Variants in LEPR observed in about 807,000 individuals in gnomAD.
The protein encoded by LEPR is leptin receptor.
In LEPR, 56 loss-of-function variants were observed where a neutral mutation model predicts 114.7. That is an observed-to-expected ratio of 0.49 (90% CI 0.39 to 0.61). The LOEUF (loss-of-function observed/expected upper bound fraction) is 0.61, where lower values mean the gene tolerates loss of function less well. Ranked by LOEUF, LEPR falls within the 20% of genes least tolerant of loss-of-function variation. LEPR has a pLI of 0.00. For missense variants in LEPR, 1,202 were observed against 1,352.9 expected (o/e 0.89, Z 1.75); for synonymous variants, 443 against 461.4 (o/e 0.96, Z 0.51).
At chr1:65,514,143 T>C (rs902024309) in intron 2 of LEPR, among the ~76,000 whole-genome samples, 1 of 152,270 alleles carries the variant, frequency 6.6e-6, no homozygotes, top group Non-Finnish European at 1.5e-5. Flanking sequence ...GACTTGCCTT[T>C]CAACTCTGAA....
At chr1:65,424,826 A>G (rs1646327043) in intron 1 of LEPR, among the ~76,000 whole-genome samples, 2 of 152,136 alleles carry the variant, frequency 1.3e-5, no homozygotes, top group African/African-American at 2.4e-5. Context: ...CACTCATCCC[A>G]TCGTGGAGAC....
At position 65,592,874 on chromosome 1, in the gene LEPR, T is replaced by G. The variant is rs752178506; in HGVS notation, c.703+9T>G. ...TCAGCCCATAAATATGGGTAAGTTA[T>G]GCACTAAAATGATGATAATAGGTCT... On this transcript the variant is annotated intron_variant, in intron 6 of 19. Coordinates refer to ENST00000349533, the MANE Select transcript of LEPR (RefSeq NM_002303.6). 2 of 1,612,536 alleles carry G rather than the reference T, an allele frequency of 1.2e-6. No homozygotes were observed. Among genetic ancestry groups the G allele is most frequent in the South Asian group, 2.2e-5 (2 of 91,020 alleles).
At chr1:65,523,610 G>A (rs913416828) in intron 2 of LEPR, among the ~76,000 whole-genome samples, 2 of 152,000 alleles carry the variant, frequency 1.3e-5, no homozygotes, top group Non-Finnish European at 2.9e-5. Flanking sequence ...CATGCCCGGC[G>A]ATACTTATTT....
intron 15 of LEPR, among the ~76,000 whole-genome samples, chr1:65,616,750 C>G (rs1657550739): frequency 6.6e-6 from 1 of 152,024 alleles, no homozygotes. Flanking sequence ...TTTGATATAT[C>G]TGATTAATCG....
At chr1:65,624,949 A>G (rs1330529807) in intron 19 of LEPR, among the ~76,000 whole-genome samples, 1 of 152,196 alleles carries the variant, frequency 6.6e-6, no homozygotes, top group Non-Finnish European at 1.5e-5. Flanking sequence ...GCCTGAGTCT[A>G]ATCAGCCACA....
chr1:65,448,566 G>A (rs1646741203), intron 2 of LEPR, among the ~76,000 whole-genome samples: 1 of 152,234 alleles, frequency 6.6e-6, no homozygotes, highest in African/African-American at 2.4e-5. Context: ...CTCTGCTTCT[G>A]TCTTCTAAAA....
intron 2 of LEPR, among the ~76,000 whole-genome samples, chr1:65,457,260 G>A (rs553070716): frequency 7.0e-4 from 106 of 152,244 alleles, no homozygotes; most frequent in African/African-American, 2.5e-3. Flanking sequence ...TCTTAGATCA[G>A]TTAAGAATAA....
intron 2 of LEPR, among the ~76,000 whole-genome samples, chr1:65,437,675 A>T (rs1646583051): frequency 6.6e-6 from 1 of 152,048 alleles, no homozygotes; most frequent in East Asian, 1.9e-4. Context: ...GTGTAAGTAG[A>T]AAAAAACTAG....
At chr1:65,563,347 G>T in intron 2 of LEPR, among the ~76,000 whole-genome samples, 1 of 77,500 alleles carries the variant, frequency 1.3e-5, no homozygotes. Flanking sequence ...TGATCGCATC[G>T]GCTCCTGAGG....
At chr1:65,430,243 C>T (rs943041045) in intron 2 of LEPR, 5 of 421,324 alleles carry the variant, frequency 1.2e-5, no homozygotes, top group South Asian at 8.8e-5. Context: ...CTTTATTTCT[C>T]TTACAACTTT....
At chr1:65,587,617 A>G (rs1275711027) in intron 5 of LEPR, among the ~76,000 whole-genome samples, 3 of 152,074 alleles carry the variant, frequency 2.0e-5, no homozygotes, top group Non-Finnish European at 2.9e-5. Flanking sequence ...ATAAGCAAAC[A>G]GAAGTACTTG....
chr1:65,484,533 G>A (rs959135106), intron 2 of LEPR, among the ~76,000 whole-genome samples: 5 of 152,100 alleles, frequency 3.3e-5, no homozygotes, highest in Admixed American at 1.3e-4. Context: ...CAAAGAGAGC[G>A]TCATCAGTTG....
chr1:65,592,742 T>C lies in LEPR; in HGVS notation c.580T>C (p.Cys194Arg). 6.2e-7 allele frequency: 1 copy of C among 1,613,468 alleles called. No individual in the cohort carries two copies. Among genetic ancestry groups the C allele is most frequent in the South Asian group, 1.1e-5 (1 of 91,068 alleles). The change falls in exon 6 of 20, where the codon TGT becomes CGT. Residue 194 changes from cysteine (C) to arginine (R), a missense_variant. Coordinates refer to ENST00000349533, the MANE Select transcript of LEPR (RefSeq NM_002303.6). ...CTGCAATTGCAGTGTTCATGAATGTTGTGAATGTCTTGTGCCTGTGCCAAC... is the reference window on the plus strand; with the variant it reads ...CTGCAATTGCAGTGTTCATGAATGTCGTGAATGTCTTGTGCCTGTGCCAAC... ...VHCNCSVHEC[C>R]ECLVPVPTAK... is the part of the protein sequence containing the mutation.
intron 2 of LEPR, among the ~76,000 whole-genome samples, chr1:65,467,989 G>A (rs148455053): frequency 0.022 from 3,338 of 152,290 alleles, 140 homozygotes; most frequent in African/African-American, 0.076. Flanking sequence ...GACCCCTTGC[G>A]CTTCCCGGGT....
At chr1:65,453,877 TG>T (rs530619441) in intron 2 of LEPR, among the ~76,000 whole-genome samples, 182 of 151,666 alleles carry the variant, frequency 1.2e-3, no homozygotes, top group African/African-American at 4.3e-3. Context: ...ATGTTGACAG[TG>T]GGGTGTTAAA....
chr1:65,585,072 A>T lies in LEPR; in HGVS notation c.495-7585A>T, dbSNP rs1655227394. Among the ~76,000 whole-genome samples the T allele has an allele frequency of 2.6e-5, 4 of 152,124 alleles. 1 individual carries two copies. In the South Asian group the frequency reaches 8.3e-4, roughly 32 times the overall value. ...TTCTGAATTCCTCATGGGGTCTAGG[A>T]ATCTATTTTTTCACAAGTTCTCCAG... On this transcript the variant is annotated intron_variant, in intron 5 of 19. Transcript: ENST00000349533.
At chr1:65,421,451 T>G (rs1304017641) in intron 1 of LEPR, 2 of 1,536,162 alleles carry the variant, frequency 1.3e-6, no homozygotes, top group East Asian at 2.4e-5. Flanking sequence ...CAAGGCTTCC[T>G]GTATTTTGGT....
At chr1:65,435,209 C>T in intron 2 of LEPR, 3 of 985,380 alleles carry the variant, frequency 3.0e-6, no homozygotes, top group Non-Finnish European at 3.6e-6. Flanking sequence ...CTTAAGAACT[C>T]ATAGATTTTT....
chr1:65,517,121 A>G (rs910270722), intron 2 of LEPR, among the ~76,000 whole-genome samples: 14 of 152,340 alleles, frequency 9.2e-5, no homozygotes, highest in African/African-American at 3.1e-4. Flanking sequence ...CTTTGATATT[A>G]CAAATGGGAT....
Sources: allele counts gnomAD v4.1 joint callset (sites outside exome capture counted in the v4.1 genomes callset), GRCh38; gene constraint gnomAD v4.1.1; transcripts MANE v1.5; gene names NCBI Gene and HGNC (gene_info 2026-07-23, HGNC 2026-07-21).